VMP1: variants seen among roughly 807,000 people sequenced by gnomAD.
VMP1 encodes the protein ectopic P-granules autophagy protein 3 homolog.
In VMP1, 11 loss-of-function variants were observed where a neutral mutation model predicts 56.0. The observed-to-expected ratio is 0.20, with a 90% CI of 0.12 to 0.32. VMP1 has a LOEUF of 0.32. Among genes scored for constraint, VMP1 ranks in the 10% least tolerant of loss-of-function variants. The pLI, the probability that VMP1 is intolerant of heterozygous loss-of-function variation, is 1.00. For missense variants in VMP1, 296 were observed against 490.3 expected (o/e 0.60, Z 3.74); for synonymous variants, 149 against 165.0 (o/e 0.90, Z 0.74).
intron 7 of VMP1, among the ~76,000 whole-genome samples, chr17:59,777,812 TCAAAACAAAACAAAACAAAA>T (rs199590116): frequency 2.1e-3 from 310 of 148,540 alleles, no homozygotes; most frequent in Middle Eastern, 0.01. Flanking sequence ...AGACTCCGTC[TCAAAACAAAACAAAACAAAA>T]CAAAACAAAA....
intron 5 of VMP1, among the ~76,000 whole-genome samples, chr17:59,755,033 A>T (rs1010141143): frequency 3.2e-5 from 4 of 126,798 alleles, no homozygotes; most frequent in African/African-American, 1.2e-4. Context: ...TTTCTCTTGA[A>T]TACTTAAGTC....
At chr17:59,772,938 T>C (rs1336307738) in intron 6 of VMP1, among the ~76,000 whole-genome samples, 1 of 143,008 alleles carries the variant, frequency 7.0e-6, no homozygotes, top group Non-Finnish European at 1.5e-5. Context: ...CTAACACATA[T>C]ACTGGTGAAT....
chr17:59,767,725 A>C (rs1225254405), intron 6 of VMP1, among the ~76,000 whole-genome samples: 11 of 152,176 alleles, frequency 7.2e-5, no homozygotes, highest in Non-Finnish European at 1.5e-4. Flanking sequence ...GCTTTAAATT[A>C]GTTAATTTGG....
At chr17:59,810,173 A>G (rs1025763044) in intron 8 of VMP1, among the ~76,000 whole-genome samples, 1 of 151,940 alleles carries the variant, frequency 6.6e-6, no homozygotes, top group African/African-American at 2.4e-5. Flanking sequence ...TCTTTTTTTG[A>G]GACAGAGTCT....
intron 5 of VMP1, among the ~76,000 whole-genome samples, chr17:59,745,162 T>G (rs549340084): frequency 6.6e-6 from 1 of 152,322 alleles, no homozygotes; most frequent in South Asian, 2.1e-4. Flanking sequence ...ACCAATGAAA[T>G]GTGAGCATAA....
At chr17:59,711,813 G>A (rs555575784) in intron 1 of VMP1, among the ~76,000 whole-genome samples, 27 of 152,242 alleles carry the variant, frequency 1.8e-4, no homozygotes, top group African/African-American at 6.5e-4. Context: ...AATTGCTCAA[G>A]AGTTTGTTTG....
rs540188016 is a variant in VMP1, at chr17:59,808,299, T to C, written c.715-497T>C. 4.6e-5 allele frequency among the ~76,000 whole-genome samples: 7 copies of C among 152,342 alleles called. No homozygotes were observed. The South Asian group carries it at 1.0e-3, about 23-fold the overall frequency. On this transcript the variant is annotated intron_variant, in intron 7 of 11. Coordinates refer to ENST00000262291, the MANE Select transcript of VMP1 (RefSeq NM_030938.5). ...CTCAAATAAAATCATGGTGAGAATG[T>C]TTTACAAAACTAGCACAAGCTGTGC...
At chr17:59,725,274 T>G (rs1426724048) in intron 1 of VMP1, among the ~76,000 whole-genome samples, 3 of 152,224 alleles carry the variant, frequency 2.0e-5, no homozygotes, top group African/African-American at 4.8e-5. Flanking sequence ...TATGTTCAGC[T>G]TCTTAGACAG....
At chr17:59,779,464 T>A (rs1171856959) in intron 7 of VMP1, among the ~76,000 whole-genome samples, 1 of 152,196 alleles carries the variant, frequency 6.6e-6, no homozygotes, top group Non-Finnish European at 1.5e-5. Context: ...TGAAGAGCTC[T>A]TTTGGAGTTT....
chr17:59,769,966 G>A (rs1295366509), intron 6 of VMP1, among the ~76,000 whole-genome samples: 1 of 151,874 alleles, frequency 6.6e-6, no homozygotes, highest in Non-Finnish European at 1.5e-5. Context: ...ATGTGTTTTG[G>A]GACACCTGCC....
chr17:59,788,890 C>T (rs948558112), intron 7 of VMP1, among the ~76,000 whole-genome samples: 6 of 150,146 alleles, frequency 4.0e-5, no homozygotes, highest in South Asian at 4.2e-4. Flanking sequence ...GCAGATATGG[C>T]GGTGGAAAAA....
Position 59,807,738 on chromosome 17 carries a change from G to A in VMP1, c.715-1058G>A, listed in dbSNP as rs760917438. Among the ~76,000 whole-genome samples the A allele has an allele frequency of 1.5e-4, 22 of 150,348 alleles. 1 individual carries two copies. In the South Asian group the frequency reaches 3.4e-3, roughly 23 times the overall value. ...TCCCAGCTACTGGGAAGGCTGAGGC[G>A]AGAGAATCACTTGAACCCAGGAGGC... On this transcript the variant is annotated intron_variant, in intron 7 of 11. Transcript: ENST00000262291.
rs768887557 is a variant in VMP1 at position 59,735,411 on chromosome 17, G to A, written c.150G>A (p.Pro50=). Residue 50 remains proline (P), a synonymous_variant, in exon 3 of 12, where the codon CCG becomes CCA. Coordinates refer to ENST00000262291, the MANE Select transcript of VMP1 (RefSeq NM_030938.5). ...AGAATATTGTCCTGTGGAGACAGCC[G>A]CTCATTACCTTGCAGTATTTTTCTC... ...ERQNIVLWRQ[P]LITLQYFSLE... 37 of 1,613,930 alleles carry A rather than the reference G, an allele frequency of 2.3e-5. No homozygotes were observed. Among genetic ancestry groups the A allele is most frequent in the Non-Finnish European group, 2.7e-5 (32 of 1,179,994 alleles).
intron 5 of VMP1, among the ~76,000 whole-genome samples, chr17:59,751,499 T>C (rs2035640439): frequency 6.6e-6 from 1 of 151,562 alleles, no homozygotes; most frequent in African/African-American, 2.4e-5. Context: ...CCCAGCACTT[T>C]GGGAGGCTGC....
In VMP1 at chr17:59,792,860, T is replaced by A. The variant is rs1292512121; in HGVS notation, c.715-15936T>A. On this transcript the variant is annotated intron_variant, in intron 7 of 11. Transcript: ENST00000262291. ...GCAAAAACGCCATCTCAAAAAATAA[T>A]AATAATAATAATAATAATTATTATT... Among the ~76,000 whole-genome samples, 8 of 45,798 alleles carry A rather than the reference T, an allele frequency of 1.7e-4. 3 individuals are homozygous for A. The highest frequency in any genetic ancestry group is 5.1e-4 in the Non-Finnish European group (7 of 13,832). 30.0% of individuals were successfully genotyped at this position (45,798 alleles called of 152,430 possible). A position where few individuals can be genotyped will look rare whatever the true frequency, so the allele number is the denominator to read the frequency against.
intron 6 of VMP1, among the ~76,000 whole-genome samples, chr17:59,770,441 T>C (rs2036382774): frequency 1.3e-5 from 2 of 152,188 alleles, no homozygotes; most frequent in South Asian, 4.1e-4. Context: ...ATCTTGAAGC[T>C]GATCCCAGAT....
At chr17:59,816,632 C>T (rs1327594639) in intron 9 of VMP1, among the ~76,000 whole-genome samples, 2 of 151,716 alleles carry the variant, frequency 1.3e-5, no homozygotes, top group Non-Finnish European at 2.9e-5. Flanking sequence ...AGTGAAACCC[C>T]ATCTCTACTA....
At chr17:59,715,254 T>A (rs189978520) in intron 1 of VMP1, among the ~76,000 whole-genome samples, 4 of 152,258 alleles carry the variant, frequency 2.6e-5, no homozygotes, top group Non-Finnish European at 5.9e-5. Context: ...GTTTTCACAC[T>A]GCTATAAAGG....
intron 10 of VMP1, among the ~76,000 whole-genome samples, chr17:59,829,302 G>A (rs185994578): frequency 6.6e-6 from 1 of 152,314 alleles, no homozygotes; most frequent in East Asian, 1.9e-4. Flanking sequence ...CTGAAAGGCT[G>A]TAGATATTAA....
Sources: gnomAD v4.1 joint callset for allele counts (sites outside exome capture counted in the v4.1 genomes callset) on GRCh38, gnomAD v4.1.1 for gene constraint, MANE v1.5 for transcripts, NCBI Gene and HGNC (gene_info 2026-07-23, HGNC 2026-07-21) for gene names.